The following CCDC148 variants were observed in gnomAD, a reference collection of about 807,000 sequenced individuals.
CCDC148 encodes the protein coiled-coil domain containing 148, also known as coiled-coil domain-containing protein 148.
In CCDC148, 89 loss-of-function variants were observed where a neutral mutation model predicts 85.7. The ratio of observed to expected loss-of-function variants is 1.04; its 90% CI spans 0.87 to 1.24. The LOEUF is 1.24. CCDC148 is among the 50% of genes most tolerant of loss of function. The probability of loss-of-function intolerance (pLI) is 0.00; values close to 1 mark genes in which losing one functional copy is unlikely to be tolerated. For missense variants in CCDC148, 692 were observed against 671.7 expected (o/e 1.03, Z -0.33); for synonymous variants, 230 against 213.9 (o/e 1.08, Z -0.66).
Position 158,418,190 on chromosome 2 carries a change from C to G in CCDC148, c.25+38225G>C, listed in dbSNP as rs148560216. Reference sequence around the variant, plus strand: ...AGCTTACCCAGGCTTGCTGATTAACCTCCTACAAATCACTTAACTTTTCTG... The same window carrying G: ...AGCTTACCCAGGCTTGCTGATTAACGTCCTACAAATCACTTAACTTTTCTG... On this transcript the variant is annotated intron_variant, in intron 1 of 13. Transcript: ENST00000283233. Among the ~76,000 whole-genome samples, 207 of 152,032 alleles carry G rather than the reference C, an allele frequency of 1.4e-3. 6 individuals are homozygous for G. The East Asian group carries it at 0.015, about 11-fold the overall frequency.
At chr2:158,337,460 T>G (rs1682447188) in intron 7 of CCDC148, among the ~76,000 whole-genome samples, 1 of 152,198 alleles carries the variant, frequency 6.6e-6, no homozygotes, top group African/African-American at 2.4e-5. Context: ...AATGTTCATT[T>G]AACAATTGGA....
chr2:158,340,418 A>C, intron 4 of CCDC148, 25 bp from the exon 5 acceptor site: 2 of 1,609,524 alleles, frequency 1.2e-6, no homozygotes, highest in Non-Finnish European at 1.7e-6. Flanking sequence ...AATTGAATTA[A>C]AGGAACACAT....
intron 9 of CCDC148, among the ~76,000 whole-genome samples, chr2:158,293,338 C>G (rs1690983736): frequency 6.6e-6 from 1 of 152,198 alleles, no homozygotes. Flanking sequence ...CACTTGTCTG[C>G]ACACTAGGTT....
intron 13 of CCDC148, among the ~76,000 whole-genome samples, chr2:158,174,776 T>C (rs1235733784): frequency 1.3e-5 from 2 of 151,948 alleles, no homozygotes; most frequent in African/African-American, 4.8e-5. Context: ...AAACTAAACA[T>C]ACAAGAGGAA....
intron 11 of CCDC148, among the ~76,000 whole-genome samples, chr2:158,208,683 G>A (rs1686387519): frequency 6.6e-6 from 1 of 152,184 alleles, no homozygotes; most frequent in Non-Finnish European, 1.5e-5. Flanking sequence ...AGGGAGTTGG[G>A]TTCCAATCCT....
At chr2:158,206,351 C>G (rs1008772274) in intron 11 of CCDC148, among the ~76,000 whole-genome samples, 3 of 152,150 alleles carry the variant, frequency 2.0e-5, no homozygotes, top group African/African-American at 7.2e-5. Flanking sequence ...CAGCATGCCA[C>G]TCCTGCCACA....
intron 1 of CCDC148, among the ~76,000 whole-genome samples, chr2:158,371,337 T>C (rs922121325): frequency 6.6e-6 from 1 of 152,014 alleles, no homozygotes; most frequent in Non-Finnish European, 1.5e-5. Flanking sequence ...TTTTTAATGC[T>C]CTTTGGGAAA....
intron 10 of CCDC148, among the ~76,000 whole-genome samples, chr2:158,223,058 C>G (rs372560359): frequency 2.0e-5 from 3 of 152,132 alleles, no homozygotes; most frequent in East Asian, 3.9e-4. Flanking sequence ...CAGGGAATTG[C>G]CTTTCCTAGT....
intron 9 of CCDC148, among the ~76,000 whole-genome samples, chr2:158,277,557 C>T (rs1428575342): frequency 6.6e-6 from 1 of 152,072 alleles, no homozygotes; most frequent in Non-Finnish European, 1.5e-5. Context: ...CAGGCATGGC[C>T]CCTTTCAATA....
intron 9 of CCDC148, among the ~76,000 whole-genome samples, chr2:158,302,972 T>G (rs1691516589): frequency 6.6e-6 from 1 of 151,992 alleles, no homozygotes. Flanking sequence ...CTCCCTTTAC[T>G]CTCATCCTCT....
intron 11 of CCDC148, among the ~76,000 whole-genome samples, chr2:158,212,844 T>C (rs980643741): frequency 2.6e-5 from 4 of 152,170 alleles, no homozygotes; most frequent in Non-Finnish European, 4.4e-5. Flanking sequence ...TTCACCTATA[T>C]GACCTCTCTG....
chr2:158,445,577 A>G (rs1688125168), intron 1 of CCDC148, among the ~76,000 whole-genome samples: 1 of 152,216 alleles, frequency 6.6e-6, no homozygotes, highest in Non-Finnish European at 1.5e-5. Flanking sequence ...TAATTGGGGT[A>G]GACAGAAGAG....
At chr2:158,254,118 C>T (rs1008854650) in intron 9 of CCDC148, among the ~76,000 whole-genome samples, 25 of 151,516 alleles carry the variant, frequency 1.6e-4, no homozygotes, top group Admixed American at 6.6e-5. Context: ...ATTTATGGAA[C>T]ATATTAACCA....
intron 10 of CCDC148, among the ~76,000 whole-genome samples, chr2:158,241,966 G>C (rs1437514637): frequency 6.6e-6 from 1 of 152,162 alleles, no homozygotes; most frequent in African/African-American, 2.4e-5. Flanking sequence ...AGTACATTTT[G>C]TTGATGATTG....
intron 9 of CCDC148, among the ~76,000 whole-genome samples, chr2:158,261,720 T>C (rs1689232249): frequency 6.6e-6 from 1 of 152,006 alleles, no homozygotes; most frequent in African/African-American, 2.4e-5. Context: ...CAGATACTTT[T>C]CAAAAGAAGA....
intron 1 of CCDC148, among the ~76,000 whole-genome samples, chr2:158,364,633 C>T (rs1684118210): frequency 6.6e-6 from 1 of 152,092 alleles, no homozygotes; most frequent in Admixed American, 6.6e-5. Flanking sequence ...AACTGGATCC[C>T]TTCCTTACAC....
At chr2:158,175,856 T>C (rs1022857618) in intron 13 of CCDC148, among the ~76,000 whole-genome samples, 2 of 151,978 alleles carry the variant, frequency 1.3e-5, no homozygotes, top group African/African-American at 4.8e-5. Context: ...GTGACTGATA[T>C]ATCATCCATC....
chr2:158,426,370 A>G (rs1687077743), intron 1 of CCDC148, among the ~76,000 whole-genome samples: 1 of 152,106 alleles, frequency 6.6e-6, no homozygotes, highest in Admixed American at 6.5e-5. Context: ...GTTTAGAAAA[A>G]GTCATGATAG....
chr2:158,446,355 A>AAC (rs1688157509), intron 1 of CCDC148, among the ~76,000 whole-genome samples: 1 of 151,814 alleles, frequency 6.6e-6, no homozygotes, highest in East Asian at 1.9e-4. Flanking sequence ...TGTCTCAAAA[A>AAC]AAAAAAGAAT....
Sources: allele counts gnomAD v4.1 joint callset (sites outside exome capture counted in the v4.1 genomes callset), GRCh38; gene constraint gnomAD v4.1.1; transcripts MANE v1.5; gene names NCBI Gene and HGNC (gene_info 2026-07-23, HGNC 2026-07-21).